PEX2: variants seen among roughly 807,000 people sequenced by gnomAD.
The protein encoded by PEX2 is peroxisome biogenesis factor 2.
Under a neutral mutation model 25.2 loss-of-function variants are expected in PEX2, and 19 were observed. That is an observed-to-expected ratio of 0.75 (90% CI 0.53 to 1.10). The LOEUF (loss-of-function observed/expected upper bound fraction) is 1.10. PEX2 is among the 50% of genes least tolerant of loss of function. The pLI, the probability that PEX2 is intolerant of heterozygous loss-of-function variation, is 0.00. For missense variants in PEX2, 347 were observed against 350.6 expected, an observed-to-expected ratio of 0.99 and a Z score of 0.08; for synonymous variants, 141 against 127.7, an observed-to-expected ratio of 1.10 and a Z score of -0.70.
At chr8:76,993,308 G>A (rs569113559) in intron 1 of PEX2, among the ~76,000 whole-genome samples, 5 of 152,154 alleles carry the variant, frequency 3.3e-5, no homozygotes, top group African/African-American at 9.7e-5. Flanking sequence ...AAAAACTGCC[G>A]TTCTGGGAGA....
rs1806838766 is a variant in PEX2, at chr8:76,981,835, A to T, written c.*1426T>A. The T allele has an allele frequency of 6.6e-6, 1 of 152,248 alleles. No homozygotes were observed. The highest frequency in any genetic ancestry group is 2.1e-4 in the South Asian group (1 of 4,836). The allele number at this position is 152,248 out of a possible 1,614,324, so 9.4% of individuals were successfully genotyped here. On this transcript the variant is annotated 3_prime_UTR_variant, in exon 4 of 4. Coordinates refer to ENST00000357039, the MANE Select transcript of PEX2 (RefSeq NM_000318.3). Reference sequence around the variant, plus strand: ...GAAGGCAAAAGAAGGCAAATTCTTAAGATGTAAAATACTCTTAACTCAAAC... The same window carrying T: ...GAAGGCAAAAGAAGGCAAATTCTTATGATGTAAAATACTCTTAACTCAAAC...
upstream of PEX2, among the ~76,000 whole-genome samples, chr8:77,000,637 G>A (rs989587043): frequency 1.3e-5 from 2 of 152,326 alleles, no homozygotes; most frequent in Admixed American, 6.5e-5. Context: ...TGTGCACAGG[G>A]AGGATAGGCT....
At chr8:76,995,728 T>C (rs1358936029) in intron 1 of PEX2, among the ~76,000 whole-genome samples, 2 of 152,216 alleles carry the variant, frequency 1.3e-5, no homozygotes, top group Non-Finnish European at 2.9e-5. Flanking sequence ...TTTTTTTCTT[T>C]CAGAAACCTG....
At chr8:76,986,383 T>C (rs966766639) in intron 2 of PEX2, 87 bp from the exon 3 acceptor site, 2 of 152,148 alleles carry the variant, frequency 1.3e-5, no homozygotes, top group African/African-American at 4.8e-5. Context: ...TGTTGGTACG[T>C]GGTCCAAAAT....
At chr8:76,987,861 A>G (rs1807051643) in intron 2 of PEX2, 1 of 152,244 alleles carries the variant, frequency 6.6e-6, no homozygotes, top group South Asian at 2.1e-4. Context: ...AGGTTTGAAC[A>G]GAAAGAAAAT....
intron 1 of PEX2, among the ~76,000 whole-genome samples, chr8:76,995,626 C>T (rs1416490821): frequency 2.0e-5 from 3 of 152,064 alleles, no homozygotes; most frequent in Non-Finnish European, 2.9e-5. Flanking sequence ...AAAACTAGCA[C>T]AAAATACTTT....
chr8:76,983,895 TATCTC>T lies in PEX2; in HGVS notation c.279_283del (p.Arg94SerfsTer5), dbSNP rs61752122. On this transcript the variant is annotated frameshift_variant, in exon 4 of 4. Transcript: ENST00000357039. LOFTEE classifies it high-confidence loss of function. ...TTTTTGATTTTTACTGGGTGGCTGA[TATCTC>T]AGGTTAGGGGAAAAATCATTTTTGT... 12 of 1,614,046 alleles carry T rather than the reference TATCTC, an allele frequency of 7.4e-6. No individual in the cohort carries two copies. The highest frequency in any genetic ancestry group is 1.6e-4 in the Middle Eastern group (1 of 6,084).
chr8:76,988,909 C>A (rs958649334), intron 1 of PEX2, among the ~76,000 whole-genome samples: 4 of 151,720 alleles, frequency 2.6e-5, no homozygotes, highest in Admixed American at 2.6e-4. Context: ...TAAGAAGCAA[C>A]TCACTGGGTG....
upstream of PEX2, chr8:77,000,953 T>C (rs1807497787): frequency 6.6e-6 from 1 of 152,204 alleles, no homozygotes; most frequent in Non-Finnish European, 1.5e-5. Context: ...GCAGTGTCTC[T>C]CTAGAGAGTT....
chr8:76,992,562 C>A (rs1807203653), intron 1 of PEX2, among the ~76,000 whole-genome samples: 1 of 152,172 alleles, frequency 6.6e-6, no homozygotes, highest in Non-Finnish European at 1.5e-5. Context: ...ATTATGGAAT[C>A]TTCTTCCCTC....
intron 1 of PEX2, among the ~76,000 whole-genome samples, chr8:76,994,525 T>C (rs986657156): frequency 3.3e-5 from 5 of 152,182 alleles, no homozygotes; most frequent in African/African-American, 1.2e-4. Context: ...CACATTATTA[T>C]TGACCTGTTC....
At chr8:76,985,251 C>A (rs1481995992) in intron 3 of PEX2, among the ~76,000 whole-genome samples, 1 of 150,732 alleles carries the variant, frequency 6.6e-6, no homozygotes, top group African/African-American at 2.4e-5. Flanking sequence ...TATGTGGATT[C>A]TAAAAAAGTC....
At chr8:76,989,174 C>T (rs1189951041) in intron 1 of PEX2, among the ~76,000 whole-genome samples, 3 of 149,650 alleles carry the variant, frequency 2.0e-5, no homozygotes, top group Non-Finnish European at 4.4e-5. Context: ...GCATGACCTT[C>T]GTTTCAAAAA....
chr8:76,988,675 T>C (rs1334513862), intron 1 of PEX2, among the ~76,000 whole-genome samples: 1 of 152,174 alleles, frequency 6.6e-6, no homozygotes, highest in African/African-American at 2.4e-5. Context: ...GATTGACTCT[T>C]CATCTCATGA....
intron 1 of PEX2, among the ~76,000 whole-genome samples, chr8:76,989,669 T>C (rs1172128420): frequency 6.6e-6 from 1 of 152,230 alleles, no homozygotes; most frequent in Non-Finnish European, 1.5e-5. Context: ...TGCATATCAA[T>C]GAGCAGTAAT....
At position 76,996,570 on chromosome 8, in the gene PEX2, G is replaced by C. The variant is rs200336400; in HGVS notation, c.-160+3420C>G. Among the ~76,000 whole-genome samples the C allele has an allele frequency of 6.6e-5, 10 of 152,304 alleles. No individual in the cohort carries two copies. In the East Asian group the frequency reaches 1.9e-3, roughly 29 times the overall value. ...CACACATGAAATGTATGAGCAGCTA[G>C]ATGTTTAAATACTCTATAAATAATT... On this transcript the variant is annotated intron_variant, in intron 1 of 3. Coordinates refer to ENST00000357039, the MANE Select transcript of PEX2 (RefSeq NM_000318.3).
Position 76,983,579 on chromosome 8 carries a change from A to G in PEX2, c.600T>C (p.Phe200=). 6.2e-7 allele frequency: 1 copy of G among 1,614,158 alleles called. No individual in the cohort carries two copies. Among genetic ancestry groups the G allele is most frequent in the Non-Finnish European group, 8.5e-7 (1 of 1,180,032 alleles). ...YMNRELLWHG[F]AEFLIFLLPL... is the part of the protein sequence containing the mutation. ...GTAAGAGAAAAATCAGAAATTCAGC[A>G]AAACCATGCCAGAGAAGTTCCCTAT... Residue 200 remains phenylalanine, a synonymous_variant, in exon 4 of 4, where the codon TTT becomes TTC. Transcript: ENST00000357039.
intron 1 of PEX2, among the ~76,000 whole-genome samples, chr8:76,996,034 A>G (rs1473796937): frequency 3.3e-5 from 5 of 152,200 alleles, no homozygotes; most frequent in African/African-American, 1.2e-4. Flanking sequence ...TCCAATTGCA[A>G]AAGAGCAATA....
chr8:76,983,385 T>C lies in PEX2; in HGVS notation c.794A>G (p.Tyr265Cys), dbSNP rs2132043073. ...HTIGCEHIFC[Y>C]FCAKSSFLFD... is the part of the protein sequence containing the mutation. ...TAAGAAACTACTCTTAGCACAGAAATAACAGAAAATATGCTCACATCCTAT... is the reference window on the plus strand; with the variant it reads ...TAAGAAACTACTCTTAGCACAGAAACAACAGAAAATATGCTCACATCCTAT... Residue 265 changes from tyrosine (Y) to cysteine (C), a missense_variant, in exon 4 of 4, where the codon TAT becomes TGT. Tyr to Cys is a radical substitution (Grantham distance 194). Coordinates refer to ENST00000357039, the MANE Select transcript of PEX2 (RefSeq NM_000318.3). 1.2e-6 allele frequency: 2 copies of C among 1,613,996 alleles called. No individual in the cohort carries two copies. Among genetic ancestry groups the C allele is most frequent in the Non-Finnish European group, 1.7e-6 (2 of 1,180,002 alleles).
Sources: gnomAD v4.1 joint callset for allele counts (sites outside exome capture counted in the v4.1 genomes callset) on GRCh38, gnomAD v4.1.1 for gene constraint, MANE v1.5 for transcripts, NCBI Gene and HGNC (gene_info 2026-07-23, HGNC 2026-07-21) for gene names.